The following SLFN12L variants were observed in gnomAD, a reference collection of about 807,000 sequenced individuals.
SLFN12L encodes the protein schlafen family member 12-like.
Under a neutral mutation model 34.8 loss-of-function variants are expected in SLFN12L, and 34 were observed. The observed-to-expected ratio is 0.98, with a 90% CI of 0.74 to 1.30. The LOEUF (loss-of-function observed/expected upper bound fraction) is 1.30, where lower values mean the gene tolerates loss of function less well. SLFN12L is among the 50% of genes most tolerant of loss of function. SLFN12L has a pLI of 0.00. For synonymous variants in SLFN12L, 259 were observed against 247.5 expected (o/e 1.05, Z -0.44); for missense variants, 703 against 696.2 (o/e 1.01, Z -0.11).
chr17:35,533,121 CT>C (rs1168014967), intron 1 of SLFN12L, among the ~76,000 whole-genome samples: 1 of 152,034 alleles, frequency 6.6e-6, no homozygotes. Context: ...ATTTTATATT[CT>C]GCTTTTATCA....
rs1325692351 is a variant in SLFN12L at position 35,530,455 on chromosome 17, A to G, written c.-606+7118T>C. Among the ~76,000 whole-genome samples the G allele has an allele frequency of 3.2e-4, 18 of 55,980 alleles. 1 individual carries two copies. Among genetic ancestry groups the G allele is most frequent in the African/African-American group, 9.6e-4 (18 of 18,844 alleles). 36.7% of individuals were successfully genotyped at this position (55,980 alleles called of 152,430 possible). On this transcript the variant is annotated intron_variant, in intron 1 of 4. Coordinates refer to ENST00000628453, the MANE Select transcript of SLFN12L (RefSeq NM_001363830.2). ...GGAAGGGAAGGGAAGAAAGAAAGAA[A>G]GAAAGAAAGAAAGAAAGAAAGAAAG...
At chr17:35,495,188 C>T (rs1915003334) in intron 2 of SLFN12L, among the ~76,000 whole-genome samples, 1 of 152,154 alleles carries the variant, frequency 6.6e-6, no homozygotes, top group Non-Finnish European at 1.5e-5. Flanking sequence ...GCATGAGCCA[C>T]CACGCCTGGC....
chr17:35,502,840 G>A (rs1476676077), intron 2 of SLFN12L, among the ~76,000 whole-genome samples: 1 of 152,156 alleles, frequency 6.6e-6, no homozygotes, highest in Non-Finnish European at 1.5e-5. Flanking sequence ...GGAAAAAAAG[G>A]GGGGCAGAAT....
intron 1 of SLFN12L, among the ~76,000 whole-genome samples, chr17:35,535,302 T>C (rs2072448554): frequency 6.6e-6 from 1 of 151,036 alleles, no homozygotes; most frequent in African/African-American, 2.4e-5. Context: ...GCAATTCTCC[T>C]GCCTCAGCCT....
At chr17:35,488,590 A>G (rs1597843606) in intron 2 of SLFN12L, among the ~76,000 whole-genome samples, 1 of 152,188 alleles carries the variant, frequency 6.6e-6, no homozygotes, top group East Asian at 1.9e-4. Context: ...GCGAGAACCC[A>G]TACTTTTTGA....
chr17:35,506,758 G>A (rs1915475745), intron 2 of SLFN12L, among the ~76,000 whole-genome samples: 1 of 152,118 alleles, frequency 6.6e-6, no homozygotes, highest in African/African-American at 2.4e-5. Flanking sequence ...ATGGCCATGG[G>A]AAGCCCGAGA....
chr17:35,516,774 C>G (rs1021357009), intron 2 of SLFN12L, among the ~76,000 whole-genome samples: 7 of 152,056 alleles, frequency 4.6e-5, no homozygotes, highest in African/African-American at 1.7e-4. Context: ...AAATATAATG[C>G]AATACATAAA....
intron 2 of SLFN12L, among the ~76,000 whole-genome samples, chr17:35,508,818 A>C (rs577873523): frequency 6.6e-6 from 1 of 151,960 alleles, no homozygotes; most frequent in East Asian, 1.9e-4. Flanking sequence ...AAATACAAAA[A>C]ATAATATTTA....
Position 35,536,248 on chromosome 17 carries a change from G to A in SLFN12L, c.-606+1325C>T, listed in dbSNP as rs546276911. On this transcript the variant is annotated intron_variant, in intron 1 of 4. Transcript: ENST00000628453. The stretch of plus-strand genomic sequence containing the variant: ...AATAATCTCCCTGGTATTTGTGATA[G>A]CATTTATTTTATAAAACACATTTGA... Among the ~76,000 whole-genome samples the A allele has an allele frequency of 8.0e-4, 122 of 152,298 alleles. No individual in the cohort carries two copies. The South Asian group carries it at 0.025, about 31-fold the overall frequency.
At chr17:35,487,927 C>A (rs1179875089) in intron 2 of SLFN12L, 14 of 715,994 alleles carry the variant, frequency 2.0e-5, no homozygotes, top group Non-Finnish European at 3.5e-5. Context: ...GCGAATCCAA[C>A]GACGGGCGCG....
intron 2 of SLFN12L, among the ~76,000 whole-genome samples, chr17:35,489,711 A>G (rs1325223121): frequency 1.3e-5 from 2 of 152,220 alleles, no homozygotes; most frequent in African/African-American, 2.4e-5. Flanking sequence ...GGAACATCAC[A>G]TGATCATTTC....
At chr17:35,500,345 C>T (rs1915247648) in intron 2 of SLFN12L, 1 of 152,170 alleles carries the variant, frequency 6.6e-6, no homozygotes, top group African/African-American at 2.4e-5. Flanking sequence ...CAATTTCTGC[C>T]TCTAAAGAAA....
chr17:35,492,355 C>T (rs948897467), intron 2 of SLFN12L, among the ~76,000 whole-genome samples: 1 of 152,188 alleles, frequency 6.6e-6, no homozygotes, highest in Non-Finnish European at 1.5e-5. Flanking sequence ...GAGCAGCAGG[C>T]ATGGGTCCCT....
At chr17:35,490,207 C>T (rs376356705) in intron 2 of SLFN12L, 4 of 1,590,544 alleles carry the variant, frequency 2.5e-6, no homozygotes, top group East Asian at 2.2e-5. Context: ...GCGGCAGTGG[C>T]CCTCTGGCAA....
In SLFN12L at chr17:35,487,994, C is replaced by T. The variant is rs1914669900; in HGVS notation, c.87-7799G>A. 6.0e-6 allele frequency: 4 copies of T among 661,340 alleles called. No homozygotes were observed. The East Asian group carries it at 8.9e-5, about 15-fold the overall frequency. The allele number at this position is 661,340 out of a possible 1,614,324, so 41.0% of individuals were successfully genotyped here. ...GAGGCTGAGGAGGGTGGATCACCAG[C>T]TTAGGAGATAGAGACCATCCTGGCT... On this transcript the variant is annotated intron_variant, in intron 2 of 4. Transcript: ENST00000628453.
chr17:35,476,076 C>A (rs922982442), intron 4 of SLFN12L, among the ~76,000 whole-genome samples: 1 of 151,878 alleles, frequency 6.6e-6, no homozygotes, highest in Admixed American at 6.6e-5. Flanking sequence ...CTGCTTTTTC[C>A]CTAAGGAGAT....
intron 1 of SLFN12L, among the ~76,000 whole-genome samples, chr17:35,535,000 G>A (rs1342801213): frequency 6.6e-6 from 1 of 152,088 alleles, no homozygotes; most frequent in African/African-American, 2.4e-5. Flanking sequence ...ATTGAGCCAG[G>A]AACTGTACCA....
At position 35,520,572 on chromosome 17, in the gene SLFN12L, C is replaced by A. The variant is rs527333755; in HGVS notation, c.86+1707G>T. On this transcript the variant is annotated intron_variant, in intron 2 of 4. Coordinates refer to ENST00000628453, the MANE Select transcript of SLFN12L (RefSeq NM_001363830.2). ...CCAGCCTGGCCAACATGGCAAAACC[C>A]GTACTCTATTAAAAACACAAAAATT... 7.2e-5 allele frequency among the ~76,000 whole-genome samples: 11 copies of A among 152,186 alleles called. 1 individual carries two copies. Among genetic ancestry groups the A allele is most frequent in the East Asian group, 5.8e-4 (3 of 5,178 alleles).
chr17:35,524,215 T>A (rs567728520), intron 1 of SLFN12L, among the ~76,000 whole-genome samples: 5 of 152,274 alleles, frequency 3.3e-5, no homozygotes, highest in Admixed American at 1.3e-4. Flanking sequence ...ATTTTAGAGA[T>A]GTTAAGAAGT....
Sources: allele counts gnomAD v4.1 joint callset (sites outside exome capture counted in the v4.1 genomes callset), GRCh38; gene constraint gnomAD v4.1.1; transcripts MANE v1.5; gene names NCBI Gene and HGNC (gene_info 2026-07-23, HGNC 2026-07-21).